The following COL23A1 variants were observed in gnomAD, a reference collection of about 807,000 sequenced individuals.
The protein encoded by COL23A1 is collagen alpha-1(XXIII) chain.
COL23A1 carries 97 observed loss-of-function variants against 99.3 expected under a neutral mutation model. The observed-to-expected ratio is 0.98, with a 90% CI of 0.83 to 1.16. The LOEUF is 1.16. Ranked by LOEUF, COL23A1 falls within the 50% of genes most tolerant of loss-of-function variation. COL23A1 has a pLI of 0.00. For missense variants in COL23A1, 762 were observed against 757.4 expected (o/e 1.01, Z -0.07); for synonymous variants, 320 against 308.2 (o/e 1.04, Z -0.40).
intron 1 of COL23A1, among the ~76,000 whole-genome samples, chr5:178,573,031 G>A (rs1337905591): frequency 2.0e-5 from 3 of 152,170 alleles, no homozygotes; most frequent in Non-Finnish European, 2.9e-5. Flanking sequence ...TCAGTGGCAC[G>A]TTGGTGGCAG....
chr5:178,272,692 C>G (rs1324729749), intron 5 of COL23A1, among the ~76,000 whole-genome samples: 1 of 152,278 alleles, frequency 6.6e-6, no homozygotes, highest in Admixed American at 6.5e-5. Flanking sequence ...GGGGTCCACA[C>G]CCCCAGGCCT....
intron 2 of COL23A1, among the ~76,000 whole-genome samples, chr5:178,461,331 A>G (rs761692109): frequency 5.9e-5 from 9 of 152,200 alleles, no homozygotes; most frequent in Non-Finnish European, 1.0e-4. Context: ...CGGCAAAGAC[A>G]GGCCCATCAC....
At chr5:178,278,493 G>T (rs1038873911) in intron 5 of COL23A1, among the ~76,000 whole-genome samples, 1 of 152,196 alleles carries the variant, frequency 6.6e-6, no homozygotes, top group Non-Finnish European at 1.5e-5. Flanking sequence ...CCGATGGGGC[G>T]GGTGCCCCGA....
chr5:178,549,183 G>A (rs892851030), intron 2 of COL23A1, among the ~76,000 whole-genome samples: 5 of 151,810 alleles, frequency 3.3e-5, no homozygotes, highest in Non-Finnish European at 5.9e-5. Context: ...TAGTAGAGAC[G>A]GGGTTTCACC....
chr5:178,579,742 G>A (rs191633022), intron 1 of COL23A1, among the ~76,000 whole-genome samples: 5 of 152,064 alleles, frequency 3.3e-5, no homozygotes, highest in Admixed American at 6.5e-5. Flanking sequence ...ATGAGCCACC[G>A]CGTCTGGCCA....
chr5:178,394,916 C>T (rs987002347), intron 2 of COL23A1, among the ~76,000 whole-genome samples: 46 of 145,560 alleles, frequency 3.2e-4, no homozygotes, highest in East Asian at 8.2e-4. Context: ...AGTCTCTCCC[C>T]GGCGGGCAGG....
At chr5:178,541,644 T>C (rs1201431626) in intron 2 of COL23A1, among the ~76,000 whole-genome samples, 1 of 152,168 alleles carries the variant, frequency 6.6e-6, no homozygotes, top group East Asian at 1.9e-4. Flanking sequence ...GCTGTAAGGT[T>C]TGTACACAAC....
At chr5:178,305,762 T>C (rs1217245036) in intron 3 of COL23A1, among the ~76,000 whole-genome samples, 2 of 146,216 alleles carry the variant, frequency 1.4e-5, no homozygotes, top group African/African-American at 5.1e-5. Flanking sequence ...GCGTGGGGGG[T>C]GATGAGAGCT....
At chr5:178,500,753 G>A (rs1198819660) in intron 2 of COL23A1, among the ~76,000 whole-genome samples, 1 of 151,338 alleles carries the variant, frequency 6.6e-6, no homozygotes, top group Non-Finnish European at 1.5e-5. Flanking sequence ...AAAATTTTTA[G>A]AAGAAATTAT....
At chr5:178,524,070 C>A (rs1293294400) in intron 2 of COL23A1, among the ~76,000 whole-genome samples, 1 of 152,174 alleles carries the variant, frequency 6.6e-6, no homozygotes, top group African/African-American at 2.4e-5. Context: ...CAGCCAGGAC[C>A]TTTATCTCCA....
intron 1 of COL23A1, among the ~76,000 whole-genome samples, chr5:178,575,515 GA>G (rs1386062476): frequency 1.3e-5 from 2 of 152,200 alleles, no homozygotes; most frequent in Non-Finnish European, 2.9e-5. Flanking sequence ...AGCTCCTGCA[GA>G]AGATCATGGA....
At chr5:178,250,835 G>T (rs1329938557) in intron 17 of COL23A1, among the ~76,000 whole-genome samples, 2 of 152,002 alleles carry the variant, frequency 1.3e-5, no homozygotes, top group Non-Finnish European at 1.5e-5. Flanking sequence ...ATAAAAATTA[G>T]CTGGGCTTGG....
rs1765910708 is a variant in COL23A1 at position 178,425,966 on chromosome 5, GC to G, written c.362-119048del. Reference sequence around the variant, plus strand: ...CGGTGAACACACACCCAGAAAAGGTGCCACGGTGGGGTCCTGAGTTCACCTC... The same window carrying G: ...CGGTGAACACACACCCAGAAAAGGTGCACGGTGGGGTCCTGAGTTCACCTC... On this transcript the variant is annotated intron_variant, in intron 2 of 28. Coordinates refer to ENST00000390654, the MANE Select transcript of COL23A1 (RefSeq NM_173465.4). Among the ~76,000 whole-genome samples the G allele has an allele frequency of 2.6e-5, 4 of 152,280 alleles. No homozygotes were observed. In the South Asian group the frequency reaches 8.3e-4, roughly 32 times the overall value.
chr5:178,455,090 T>A (rs1329424370), intron 2 of COL23A1, among the ~76,000 whole-genome samples: 1 of 152,182 alleles, frequency 6.6e-6, no homozygotes, highest in Non-Finnish European at 1.5e-5. Flanking sequence ...AAGGACCTGC[T>A]CCCCTCCAGT....
At chr5:178,517,326 C>T (rs1012025744) in intron 2 of COL23A1, among the ~76,000 whole-genome samples, 5 of 152,130 alleles carry the variant, frequency 3.3e-5, no homozygotes, top group Non-Finnish European at 1.5e-5. Flanking sequence ...GCAATAGCCC[C>T]ACACCAAAGG....
chr5:178,295,435 G>A (rs1757688156), intron 3 of COL23A1, among the ~76,000 whole-genome samples: 1 of 152,102 alleles, frequency 6.6e-6, no homozygotes, highest in African/African-American at 2.4e-5. Flanking sequence ...AGAAATGAAG[G>A]TTAAAATTAC....
chr5:178,513,215 T>C (rs898026342), intron 2 of COL23A1, among the ~76,000 whole-genome samples: 1 of 152,204 alleles, frequency 6.6e-6, no homozygotes, highest in Admixed American at 6.5e-5. Flanking sequence ...GTGGCGATAA[T>C]AGCTAACATG....
At chr5:178,342,795 AAAC>A (rs144458392) in intron 2 of COL23A1, among the ~76,000 whole-genome samples, 3,303 of 96,566 alleles carry the variant, frequency 0.034, 36 homozygotes, top group Non-Finnish European at 0.067. Context: ...AAGAAAAAAA[AAAC>A]AAACAAACAG....
rs778664699 is a variant in COL23A1 at position 178,261,703 on chromosome 5, G to A, written c.702+19C>T. On this transcript the variant is annotated intron_variant, in intron 11 of 28. Transcript: ENST00000390654. Reference sequence around the variant, plus strand: ...CCCACCAGATCTGGGGAGGGGCATGGGGAATAAGGAGTACTCACCTTGGGC... The same window carrying A: ...CCCACCAGATCTGGGGAGGGGCATGAGGAATAAGGAGTACTCACCTTGGGC... 6.2e-7 allele frequency: 1 copy of A among 1,600,460 alleles called. No homozygotes were observed. Among genetic ancestry groups the A allele is most frequent in the Non-Finnish European group, 8.6e-7 (1 of 1,167,540 alleles).
Sources: gnomAD v4.1 joint callset for allele counts (sites outside exome capture counted in the v4.1 genomes callset) on GRCh38, gnomAD v4.1.1 for gene constraint, MANE v1.5 for transcripts, NCBI Gene and HGNC (gene_info 2026-07-23, HGNC 2026-07-21) for gene names.